Variants in KIF16B observed in about 807,000 individuals in gnomAD.
The protein encoded by KIF16B is kinesin family member 16B.
A neutral mutation model predicts 156.3 loss-of-function variants in KIF16B; 98 were observed. The ratio of observed to expected loss-of-function variants is 0.63; its 90% CI spans 0.53 to 0.74. The LOEUF (loss-of-function observed/expected upper bound fraction) is 0.74. KIF16B is among the 30% of genes least tolerant of loss of function. KIF16B has a pLI of 0.00. For missense variants in KIF16B, 1,421 were observed against 1,606.5 expected, an observed-to-expected ratio of 0.88 and a Z score of 1.97; for synonymous variants, 564 against 583.7, an observed-to-expected ratio of 0.97 and a Z score of 0.49.
intron 25 of KIF16B, among the ~76,000 whole-genome samples, chr20:16,288,160 C>G (rs2063254051): frequency 6.6e-6 from 1 of 152,210 alleles, no homozygotes; most frequent in African/African-American, 2.4e-5. Flanking sequence ...AATGCAGCAC[C>G]ATGAGCAGGG....
chr20:16,519,323 C>G (rs2069251184), intron 3 of KIF16B, among the ~76,000 whole-genome samples: 1 of 152,150 alleles, frequency 6.6e-6, no homozygotes, highest in African/African-American at 2.4e-5. Flanking sequence ...CGCTATATTG[C>G]CCAGGCTGGA....
Position 16,501,162 on chromosome 20 carries a change from A to G in KIF16B, c.1176+3210T>C, listed in dbSNP as rs531079238. On this transcript the variant is annotated intron_variant, in intron 10 of 25. Coordinates refer to ENST00000354981, the MANE Select transcript of KIF16B (RefSeq NM_024704.5). ...GTATATATCCATTAGGATGGTTACA[A>G]TGAAAACTGTACATTATCAAGTGTT... Among the ~76,000 whole-genome samples, 5 of 151,972 alleles carry G rather than the reference A, an allele frequency of 3.3e-5. No homozygotes were observed. The South Asian group carries it at 8.3e-4, about 25-fold the overall frequency.
intron 24 of KIF16B, among the ~76,000 whole-genome samples, chr20:16,318,000 C>A (rs2063723004): frequency 6.6e-6 from 1 of 152,164 alleles, no homozygotes; most frequent in Non-Finnish European, 1.5e-5. Context: ...AACCAGAAAA[C>A]AAGAGAAGAT....
chr20:16,323,559 T>A (rs966456818), intron 24 of KIF16B, among the ~76,000 whole-genome samples: 1 of 151,972 alleles, frequency 6.6e-6, no homozygotes, highest in Non-Finnish European at 1.5e-5. Context: ...GTTAAAGGCA[T>A]AAAGCAGCAA....
At chr20:16,380,570 C>T (rs148340565) in intron 18 of KIF16B, among the ~76,000 whole-genome samples, 349 of 152,290 alleles carry the variant, frequency 2.3e-3, no homozygotes, top group African/African-American at 4.9e-3. Context: ...AATAAAAATG[C>T]TTATGCTGTC....
chr20:16,335,132 A>G (rs923348207), intron 24 of KIF16B, among the ~76,000 whole-genome samples: 1 of 139,632 alleles, frequency 7.2e-6, no homozygotes, highest in Admixed American at 7.1e-5. Context: ...CCATAAAAAT[A>G]GTGCTCAAAA....
rs148360063 is a variant in KIF16B at position 16,372,979 on chromosome 20, TCAGC to T, written c.3351-1222_3351-1219del. 3.8e-3 allele frequency among the ~76,000 whole-genome samples: 584 copies of T among 152,340 alleles called. 2 individuals are homozygous for T. The highest frequency in any genetic ancestry group is 0.013 in the African/African-American group (552 of 41,570). On this transcript the variant is annotated intron_variant, in intron 20 of 25. Transcript: ENST00000354981. ...TCTCGAAGTGCTGGGATTATAGGCG[TCAGC>T]CACCATGCCCGGCCGGATGGATTAT...
intron 12 of KIF16B, among the ~76,000 whole-genome samples, chr20:16,458,632 A>G (rs1187552379): frequency 6.6e-6 from 1 of 152,160 alleles, no homozygotes; most frequent in African/African-American, 2.4e-5. Flanking sequence ...GCCAATTTCT[A>G]GTCAACATAG....
intron 3 of KIF16B, among the ~76,000 whole-genome samples, chr20:16,525,128 A>T (rs903006293): frequency 1.3e-5 from 2 of 152,214 alleles, no homozygotes; most frequent in Non-Finnish European, 2.9e-5. Flanking sequence ...ATACCTATGT[A>T]ACAAATCTGC....
chr20:16,382,572 G>A (rs1442347970), intron 17 of KIF16B, among the ~76,000 whole-genome samples: 1 of 152,150 alleles, frequency 6.6e-6, no homozygotes, highest in African/African-American at 2.4e-5. Context: ...AGTGATTTAG[G>A]TCATTGGGAA....
chr20:16,497,728 C>A, intron 10 of KIF16B, 50 bp from the exon 11 acceptor site: 1 of 1,319,980 alleles, frequency 7.6e-7, no homozygotes, highest in Non-Finnish European at 1.1e-6. Flanking sequence ...CAGCAATAAT[C>A]TAGGTTTTTC....
chr20:16,569,646 T>C (rs2071386807), intron 1 of KIF16B, among the ~76,000 whole-genome samples: 1 of 152,178 alleles, frequency 6.6e-6, no homozygotes, highest in African/African-American at 2.4e-5. Context: ...TGTTTTTCTG[T>C]AGGTTGCTTT....
chr20:16,511,577 A>G lies in KIF16B; in HGVS notation c.447-50T>C, dbSNP rs146676745. The G allele has an allele frequency of 1.7e-5, 21 of 1,228,702 alleles. No homozygotes were observed. In the African/African-American group the frequency reaches 2.7e-4, roughly 16 times the overall value. 76.1% of individuals were successfully genotyped at this position (1,228,702 alleles called of 1,614,324 possible). A position where few individuals can be genotyped will look rare whatever the true frequency, so the allele number is the denominator to read the frequency against. ...TTCAGAAAAATGATTTCAGACATTAATATCAGTAACAACACATAACAGCAG... is the reference window on the plus strand; with the variant it reads ...TTCAGAAAAATGATTTCAGACATTAGTATCAGTAACAACACATAACAGCAG... On this transcript the variant is annotated intron_variant, in intron 5 of 25. Coordinates refer to ENST00000354981, the MANE Select transcript of KIF16B (RefSeq NM_024704.5).
chr20:16,397,953 T>C (rs1359161282), intron 17 of KIF16B, among the ~76,000 whole-genome samples: 2 of 152,224 alleles, frequency 1.3e-5, no homozygotes, highest in Non-Finnish European at 2.9e-5. Context: ...GCCCACTCTG[T>C]GGGGTCTTCT....
intron 25 of KIF16B, among the ~76,000 whole-genome samples, chr20:16,302,098 G>A (rs964038742): frequency 9.2e-5 from 14 of 152,058 alleles, no homozygotes; most frequent in African/African-American, 2.4e-4. Context: ...TCCTCCTGAC[G>A]GTGTCTTTTG....
chr20:16,572,104 CAA>C (rs1384591018), intron 1 of KIF16B, among the ~76,000 whole-genome samples: 1 of 152,150 alleles, frequency 6.6e-6, no homozygotes, highest in Admixed American at 6.5e-5. Context: ...GCAAAAAAGT[CAA>C]ACTCTTACTC....
intron 24 of KIF16B, among the ~76,000 whole-genome samples, chr20:16,330,841 G>T (rs2063935359): frequency 6.6e-6 from 1 of 152,232 alleles, no homozygotes; most frequent in Admixed American, 6.5e-5. Flanking sequence ...CTATGGAGTT[G>T]TTATAAGAGA....
intron 12 of KIF16B, among the ~76,000 whole-genome samples, chr20:16,431,034 T>C (rs1235936182): frequency 1.3e-5 from 2 of 152,232 alleles, no homozygotes; most frequent in South Asian, 4.1e-4. Context: ...CAACCTTTCC[T>C]GTTTGGTCTA....
At chr20:16,464,969 G>T (rs2067446189) in intron 12 of KIF16B, among the ~76,000 whole-genome samples, 1 of 152,046 alleles carries the variant, frequency 6.6e-6, no homozygotes, top group South Asian at 2.1e-4. Context: ...GAAGCCAGGG[G>T]TAAGTTTCTA....
Sources: gnomAD v4.1 joint callset for allele counts (sites outside exome capture counted in the v4.1 genomes callset) on GRCh38, gnomAD v4.1.1 for gene constraint, MANE v1.5 for transcripts, NCBI Gene and HGNC (gene_info 2026-07-23, HGNC 2026-07-21) for gene names.